Variants in PTER observed in about 807,000 individuals in gnomAD.
The protein encoded by PTER is phosphotriesterase related.
Under a neutral mutation model 29.6 loss-of-function variants are expected in PTER, and 38 were observed. The observed-to-expected ratio is 1.28, with a 90% CI of 0.99 to 1.68. The LOEUF (loss-of-function observed/expected upper bound fraction) is 1.68. Among genes scored for constraint, PTER ranks in the 40% most tolerant of loss-of-function variants. The pLI, the probability that PTER is intolerant of heterozygous loss-of-function variation, is 0.00. For missense variants in PTER, 482 were observed against 427.8 expected (o/e 1.13, Z -1.12); for synonymous variants, 172 against 154.5 (o/e 1.11, Z -0.84).
intron 4 of PTER, among the ~76,000 whole-genome samples, chr10:16,509,558 A>G (rs774682629): frequency 8.6e-5 from 13 of 151,950 alleles, no homozygotes; most frequent in Non-Finnish European, 1.5e-4. Context: ...GTTTCCTAAA[A>G]CCTCCTATAC....
chr10:16,448,332 C>T (rs747985709), intron 1 of PTER, among the ~76,000 whole-genome samples: 2 of 152,172 alleles, frequency 1.3e-5, no homozygotes, highest in Non-Finnish European at 2.9e-5. Context: ...TGTTGCAGAG[C>T]CTTCTTCTGT....
rs180993288 is a variant in PTER, at chr10:16,510,129, G to C, written c.840-917G>C. On this transcript the variant is annotated intron_variant, in intron 4 of 4. Transcript: ENST00000535784. ...ACTATTCAGAGAATCCCATAGAAGA[G>C]CCATTGTCTGTGAGTGGCATCTTCT... 1.4e-4 allele frequency among the ~76,000 whole-genome samples: 21 copies of C among 152,224 alleles called. No individual in the cohort carries two copies. In the East Asian group the frequency reaches 3.5e-3, roughly 25 times the overall value.
intron 3 of PTER, among the ~76,000 whole-genome samples, chr10:16,502,937 C>T (rs1248198733): frequency 3.6e-5 from 5 of 140,188 alleles, no homozygotes; most frequent in African/African-American, 5.5e-5. Flanking sequence ...TGCATTGAGC[C>T]GAGATCACGC....
At chr10:16,450,633 C>T (rs1262674626) in intron 1 of PTER, among the ~76,000 whole-genome samples, 1 of 152,130 alleles carries the variant, frequency 6.6e-6, no homozygotes, top group African/African-American at 2.4e-5. Flanking sequence ...TCTGATTTTC[C>T]ACAATTTCAG....
chr10:16,500,786 G>A (rs80152365), intron 3 of PTER, among the ~76,000 whole-genome samples: 7,444 of 152,116 alleles, frequency 0.049, 269 homozygotes, highest in East Asian at 0.15. Context: ...TGTCACCCAA[G>A]CTGGAGTCTA....
chr10:16,440,067 A>ATTTTTTT (rs71374689), intron 1 of PTER, among the ~76,000 whole-genome samples: 2 of 135,232 alleles, frequency 1.5e-5, no homozygotes, highest in Non-Finnish European at 3.1e-5. Context: ...TCCTAACAAG[A>ATTTTTTT]TTTTTTTTTT....
chr10:16,455,394 G>A (rs1022771466), intron 1 of PTER, among the ~76,000 whole-genome samples: 7 of 151,656 alleles, frequency 4.6e-5, no homozygotes, highest in Non-Finnish European at 7.4e-5. Context: ...TGATTATCAC[G>A]TGTCAGTGAC....
chr10:16,468,272 G>C (rs1834917064), intron 1 of PTER, among the ~76,000 whole-genome samples: 1 of 152,148 alleles, frequency 6.6e-6, no homozygotes, highest in Non-Finnish European at 1.5e-5. Context: ...AACCAGGGAG[G>C]CAGAGGTTGC....
chr10:16,468,032 A>G (rs1410028473), intron 1 of PTER, among the ~76,000 whole-genome samples: 2 of 152,098 alleles, frequency 1.3e-5, no homozygotes, highest in Non-Finnish European at 2.9e-5. Flanking sequence ...ATTGTCAGAA[A>G]TATATTAAAT....
In PTER at chr10:16,473,939, C is replaced by T. The variant is rs532981144; in HGVS notation, c.-48-10398C>T. On this transcript the variant is annotated intron_variant, in intron 1 of 4. Transcript: ENST00000535784. ...CTACTTAAATAATAAAGTACCTGGC[C>T]GGGCACCGTGGCTCAGGCCTGTAAT... Among the ~76,000 whole-genome samples, 46 of 152,258 alleles carry T rather than the reference C, an allele frequency of 3.0e-4. No individual in the cohort carries two copies. The East Asian group carries it at 3.3e-3, about 11-fold the overall frequency.
At chr10:16,482,366 A>G (rs913773865) in intron 1 of PTER, among the ~76,000 whole-genome samples, 1 of 152,094 alleles carries the variant, frequency 6.6e-6, no homozygotes, top group Non-Finnish European at 1.5e-5. Flanking sequence ...CCCTCTCATC[A>G]GCCACTTTCT....
chr10:16,474,518 C>G (rs543697531), intron 1 of PTER, among the ~76,000 whole-genome samples: 39 of 152,006 alleles, frequency 2.6e-4, no homozygotes, highest in South Asian at 6.2e-4. Context: ...TTTTGAATAC[C>G]TACTGCTGTG....
chr10:16,501,246 C>A (rs1312718686), intron 3 of PTER, among the ~76,000 whole-genome samples: 2 of 151,544 alleles, frequency 1.3e-5, no homozygotes, highest in African/African-American at 2.4e-5. Flanking sequence ...TTGTAATATT[C>A]ATTTCTTAGT....
At chr10:16,485,336 T>C (rs1835654004) in intron 2 of PTER, among the ~76,000 whole-genome samples, 1 of 152,236 alleles carries the variant, frequency 6.6e-6, no homozygotes, top group South Asian at 2.1e-4. Context: ...CATTCCCCTG[T>C]GTTTTGTCAT....
rs1212991158 is a variant in PTER, at chr10:16,496,437, C to T, written c.699-8583C>T. The stretch of plus-strand genomic sequence containing the variant: ...CCACACTGACCATGTCTTTGAGTGC[C>T]CTGTATTGGTTGTCCTTATATGCAT... On this transcript the variant is annotated intron_variant, in intron 3 of 4. Transcript: ENST00000535784. 6.6e-5 allele frequency among the ~76,000 whole-genome samples: 10 copies of T among 152,100 alleles called. No homozygotes were observed. The East Asian group carries it at 9.6e-4, about 15-fold the overall frequency.
intron 1 of PTER, among the ~76,000 whole-genome samples, chr10:16,450,534 C>T (rs924154389): frequency 2.0e-5 from 3 of 152,228 alleles, no homozygotes; most frequent in Non-Finnish European, 2.9e-5. Flanking sequence ...CTTTTCCAGT[C>T]AATGCCCTCA....
intron 1 of PTER, among the ~76,000 whole-genome samples, chr10:16,451,554 CA>C (rs1022456026): frequency 4.6e-5 from 7 of 152,162 alleles, no homozygotes; most frequent in African/African-American, 1.7e-4. Flanking sequence ...ACTAAAAATA[CA>C]AAAGAAAGTA....
chr10:16,482,023 G>A (rs936883041), intron 1 of PTER, among the ~76,000 whole-genome samples: 1 of 152,134 alleles, frequency 6.6e-6, no homozygotes, highest in Non-Finnish European at 1.5e-5. Context: ...GCAGCTGTGT[G>A]GTGATTCTCT....
rs372924316 is a variant in PTER at position 16,497,658 on chromosome 10, A to C, written c.699-7362A>C. Among the ~76,000 whole-genome samples, 58 of 152,360 alleles carry C rather than the reference A, an allele frequency of 3.8e-4. 1 individual carries two copies. In the South Asian group the frequency reaches 0.012, roughly 30 times the overall value. ...TTATCTTGATCCTACCCACGGATCA[A>C]ATTCTTTCCTCTGCTCCTTAGTTCT... On this transcript the variant is annotated intron_variant, in intron 3 of 4. Coordinates refer to ENST00000535784, the MANE Select transcript of PTER (RefSeq NM_001261836.2).
Sources: gnomAD v4.1 joint callset for allele counts (sites outside exome capture counted in the v4.1 genomes callset) on GRCh38, gnomAD v4.1.1 for gene constraint, MANE v1.5 for transcripts, NCBI Gene and HGNC (gene_info 2026-07-23, HGNC 2026-07-21) for gene names.